The following TIMM23B variants were observed in gnomAD, a reference collection of about 807,000 sequenced individuals.
The protein encoded by TIMM23B is mitochondrial import inner membrane translocase subunit Tim23B.
Under a neutral mutation model 27.3 loss-of-function variants are expected in TIMM23B, and 27 were observed. The ratio of observed to expected loss-of-function variants is 0.99; its 90% CI spans 0.73 to 1.36. TIMM23B has a LOEUF of 1.36. Ranked by LOEUF, TIMM23B falls within the 40% of genes most tolerant of loss-of-function variation. The pLI is 0.00. For synonymous variants in TIMM23B, 73 were observed against 92.4 expected (o/e 0.79, Z 1.21); for missense variants, 205 against 244.2 (o/e 0.84, Z 1.07).
Position 49,966,338 on chromosome 10 carries a change from G to A in TIMM23B, c.515-6674G>A, listed in dbSNP as rs1465852823. Among the ~76,000 whole-genome samples the A allele has an allele frequency of 5.9e-5, 9 of 151,580 alleles. No homozygotes were observed. In the South Asian group the frequency reaches 1.1e-3, roughly 18 times the overall value. On this transcript the variant is annotated intron_variant, in intron 6 of 6. Transcript: ENST00000651259. ...TGTGGTGGTGCACTCCAGCCTGGGCGATTGAGCGAGTTTCCATCTCGAAAT... is the reference window on the plus strand; with the variant it reads ...TGTGGTGGTGCACTCCAGCCTGGGCAATTGAGCGAGTTTCCATCTCGAAAT...
At chr10:49,960,776 C>G (rs1172461794) in intron 6 of TIMM23B, among the ~76,000 whole-genome samples, 83 of 152,114 alleles carry the variant, frequency 5.5e-4, no homozygotes, top group African/African-American at 2.0e-3. Context: ...ACAGTTGAGC[C>G]AGACCTTAAG....
At position 49,954,488 on chromosome 10, in the gene TIMM23B, G is replaced by A. The variant is rs1287196061; in HGVS notation, c.345-514G>A. Reference sequence around the variant, plus strand: ...AATTCTACTTTATATTCTGTACTTCGATATTCTTTACTTTATATTCTGTAC... The same window carrying A: ...AATTCTACTTTATATTCTGTACTTCAATATTCTTTACTTTATATTCTGTAC... On this transcript the variant is annotated intron_variant, in intron 4 of 6. Transcript: ENST00000651259. 3.0e-5 allele frequency: 5 copies of A among 165,568 alleles called. No homozygotes were observed. The South Asian group carries it at 4.7e-4, about 16-fold the overall frequency. The allele number at this position is 165,568 out of a possible 1,614,324, so 10.3% of individuals were successfully genotyped here. A position where few individuals can be genotyped will look rare whatever the true frequency, so the allele number is the denominator to read the frequency against.
chr10:49,953,970 C>T (rs1255020503), intron 4 of TIMM23B, among the ~76,000 whole-genome samples: 2 of 152,044 alleles, frequency 1.3e-5, no homozygotes, highest in Non-Finnish European at 2.9e-5. Flanking sequence ...AACTTGCTTC[C>T]TTTCTTAAAA....
At chr10:49,969,927 A>T (rs1478199668) in intron 6 of TIMM23B, 1 of 162,132 alleles carries the variant, frequency 6.2e-6, no homozygotes, top group East Asian at 1.8e-4. Flanking sequence ...AGTGCCTGCG[A>T]TTGCAGGTGC....
At chr10:49,959,738 C>A (rs1839835199) in intron 6 of TIMM23B, among the ~76,000 whole-genome samples, 1 of 151,664 alleles carries the variant, frequency 6.6e-6, no homozygotes, top group Non-Finnish European at 1.5e-5. Flanking sequence ...CCAAAGGCAA[C>A]TTTTAATTTT....
chr10:49,942,676 A>G (rs1236865228), intron 1 of TIMM23B, among the ~76,000 whole-genome samples: 1 of 152,204 alleles, frequency 6.6e-6, no homozygotes, highest in East Asian at 1.9e-4. Flanking sequence ...TTTTTAGTAC[A>G]CAGTGACATA....
chr10:49,958,679 A>T (rs1281910525), intron 6 of TIMM23B, among the ~76,000 whole-genome samples, 199 bp downstream of exon 6: 1 of 152,222 alleles, frequency 6.6e-6, no homozygotes, highest in South Asian at 2.1e-4. Flanking sequence ...TATACAGTAC[A>T]TTAGTATTAT....
chr10:49,971,459 G>A (rs1399410266), intron 6 of TIMM23B, among the ~76,000 whole-genome samples: 1 of 151,650 alleles, frequency 6.6e-6, no homozygotes, highest in Admixed American at 6.6e-5. Context: ...CAAAAAAAGA[G>A]AATGTAAGCA....
At chr10:49,943,686 T>C (rs1418726320) in intron 1 of TIMM23B, among the ~76,000 whole-genome samples, 1 of 151,718 alleles carries the variant, frequency 6.6e-6, no homozygotes, top group African/African-American at 2.4e-5. Flanking sequence ...ACTGAGCTTT[T>C]ACAGTGTGCT....
Position 49,945,222 on chromosome 10 carries a change from T to C in TIMM23B, c.165+132T>C, listed in dbSNP as rs2133047516. On this transcript the variant is annotated intron_variant, in intron 2 of 6. Transcript: ENST00000651259. ...TCTCTGGTCTCCATTCACCCTTTTT[T>C]CCTCACAAACACCAGGAGCTTGGCC... is the stretch of plus-strand genomic sequence containing the variant. 4.0e-6 allele frequency: 3 copies of C among 759,266 alleles called. No individual in the cohort carries two copies. In the East Asian group the frequency reaches 7.9e-5, roughly 20 times the overall value. 47.0% of individuals were successfully genotyped at this position (759,266 alleles called of 1,614,324 possible).
intron 6 of TIMM23B, among the ~76,000 whole-genome samples, chr10:49,959,872 C>T (rs1839840157): frequency 6.6e-6 from 1 of 151,916 alleles, no homozygotes. Context: ...TCTCAGCCTC[C>T]TGAGTAGCTG....
chr10:49,942,394 T>C, intron 1 of TIMM23B, 94 bp downstream of exon 1: 1 of 1,546,974 alleles, frequency 6.5e-7, no homozygotes, highest in Non-Finnish European at 8.7e-7. Flanking sequence ...TGGTTTTTTT[T>C]TCCTTGCTGG....
At chr10:49,944,961 G>A in intron 1 of TIMM23B, 71 bp from the exon 2 acceptor site, 1 of 1,568,594 alleles carries the variant, frequency 6.4e-7, no homozygotes, top group East Asian at 2.2e-5. Flanking sequence ...TAACAATCAG[G>A]AGCTGGATTA....
At chr10:49,948,258 A>G (rs1839415185) in intron 2 of TIMM23B, among the ~76,000 whole-genome samples, 1 of 152,176 alleles carries the variant, frequency 6.6e-6, no homozygotes, top group South Asian at 2.1e-4. Context: ...ACCTCTGTAC[A>G]TTGCTGGTGG....
intron 6 of TIMM23B, 106 bp downstream of exon 6, chr10:49,958,586 T>C (rs1451597717): frequency 4.9e-6 from 4 of 814,068 alleles, no homozygotes. Flanking sequence ...TAATCTAGTG[T>C]TCTAACTTTA....
intron 6 of TIMM23B, among the ~76,000 whole-genome samples, chr10:49,969,879 G>A (rs1554856159): frequency 9.2e-5 from 14 of 151,964 alleles, no homozygotes. Flanking sequence ...TCGGCTCACT[G>A]CACCCTCCCT....
At chr10:49,970,735 G>T (rs572981227) in intron 6 of TIMM23B, among the ~76,000 whole-genome samples, 2 of 144,886 alleles carry the variant, frequency 1.4e-5, no homozygotes, top group African/African-American at 5.1e-5. Flanking sequence ...CCCGGCTGCC[G>T]CCCCGTCTGG....
chr10:49,948,979 C>T (rs1172862225), intron 2 of TIMM23B, among the ~76,000 whole-genome samples: 1 of 152,140 alleles, frequency 6.6e-6, no homozygotes, highest in Non-Finnish European at 1.5e-5. Context: ...CCTCAAACTC[C>T]TAGGCTCAAG....
chr10:49,968,201 C>T (rs1554855757), intron 6 of TIMM23B, among the ~76,000 whole-genome samples: 1 of 152,178 alleles, frequency 6.6e-6, no homozygotes, highest in Non-Finnish European at 1.5e-5. Context: ...TTTACTGTCT[C>T]ACTCAGAGTT....
Sources: gnomAD v4.1 joint callset for allele counts (sites outside exome capture counted in the v4.1 genomes callset) on GRCh38, gnomAD v4.1.1 for gene constraint, MANE v1.5 for transcripts, NCBI Gene and HGNC (gene_info 2026-07-23, HGNC 2026-07-21) for gene names.